SUGCT: variants seen among roughly 807,000 people sequenced by gnomAD.
SUGCT encodes the protein succinyl-CoA:glutarate-CoA transferase, also known as succinyl-CoA:glutarate CoA-transferase.
SUGCT carries 41 observed loss-of-function variants against 55.0 expected under a neutral mutation model. The observed-to-expected ratio is 0.74, with a 90% CI of 0.58 to 0.97. SUGCT has a LOEUF of 0.97. Among genes scored for constraint, SUGCT ranks in the 50% least tolerant of loss-of-function variants. The pLI is 0.00. For missense variants in SUGCT, 568 were observed against 547.8 expected, an observed-to-expected ratio of 1.04 and a Z score of -0.37; for synonymous variants, 187 against 200.4, an observed-to-expected ratio of 0.93 and a Z score of 0.56.
At chr7:40,830,357 C>A (rs538470938) in intron 13 of SUGCT, among the ~76,000 whole-genome samples, 1 of 152,262 alleles carries the variant, frequency 6.6e-6, no homozygotes, top group South Asian at 2.1e-4. Context: ...TTGGTCCTGC[C>A]CTCCCCTGTC....
intron 12 of SUGCT, among the ~76,000 whole-genome samples, chr7:40,558,126 G>A (rs1056267258): frequency 6.6e-5 from 10 of 151,314 alleles, no homozygotes; most frequent in Admixed American, 1.3e-4. Flanking sequence ...AAAATAAAAA[G>A]TTTTGATGTG....
In SUGCT at chr7:40,552,376, T is replaced by C. The variant is rs116682716; in HGVS notation, c.1089+55990T>C. 1.7e-3 allele frequency among the ~76,000 whole-genome samples: 257 copies of C among 152,266 alleles called. 1 individual carries two copies. The highest frequency in any genetic ancestry group is 6.0e-3 in the African/African-American group (251 of 41,540). On this transcript the variant is annotated intron_variant, in intron 12 of 13. Coordinates refer to ENST00000335693, the MANE Select transcript of SUGCT (RefSeq NM_001193313.2). ...GTTGCATGCTTTTTTCATAAGTTAC[T>C]CCATGGCTTACATCAGTTAATGGCT...
chr7:40,257,083 C>T (rs371571971), intron 7 of SUGCT, among the ~76,000 whole-genome samples: 5 of 151,904 alleles, frequency 3.3e-5, no homozygotes, highest in African/African-American at 4.8e-5. Context: ...CTCTCTCTGT[C>T]GTCCAGGCTG....
chr7:40,800,267 T>TG (rs1310565295), intron 13 of SUGCT, among the ~76,000 whole-genome samples: 1 of 149,446 alleles, frequency 6.7e-6, no homozygotes, highest in Non-Finnish European at 1.5e-5. Context: ...GGGGCAGGGT[T>TG]GGGGTGTCGT....
intron 12 of SUGCT, among the ~76,000 whole-genome samples, chr7:40,520,577 G>T (rs1793477716): frequency 1.3e-5 from 2 of 152,106 alleles, no homozygotes. Context: ...AACACAGGTT[G>T]TAGCACTCTG....
At chr7:40,608,799 A>G (rs1255123838) in intron 12 of SUGCT, among the ~76,000 whole-genome samples, 1 of 152,196 alleles carries the variant, frequency 6.6e-6, no homozygotes, top group African/African-American at 2.4e-5. Flanking sequence ...TGGTAAAAAG[A>G]AAAGAGGGAA....
At chr7:40,291,671 A>AT (rs1430045614) in intron 8 of SUGCT, among the ~76,000 whole-genome samples, 75 of 143,046 alleles carry the variant, frequency 5.2e-4, no homozygotes, top group Middle Eastern at 7.5e-3. Flanking sequence ...TAAAATAAAA[A>AT]AATATATATA....
At position 40,339,473 on chromosome 7, in the gene SUGCT, C is replaced by T. The variant is rs1310301947; in HGVS notation, c.816+22618C>T. On this transcript the variant is annotated intron_variant, in intron 9 of 13. Coordinates refer to ENST00000335693, the MANE Select transcript of SUGCT (RefSeq NM_001193313.2). ...GGCGCCCCTCTCCTAGCCTCACTGCCATCTTGCAGTTTGATCTCAGACCGC... is the reference window on the plus strand; with the variant it reads ...GGCGCCCCTCTCCTAGCCTCACTGCTATCTTGCAGTTTGATCTCAGACCGC... Among the ~76,000 whole-genome samples, 6 of 152,178 alleles carry T rather than the reference C, an allele frequency of 3.9e-5. No homozygotes were observed. In the East Asian group the frequency reaches 9.6e-4, roughly 24 times the overall value.
intron 9 of SUGCT, among the ~76,000 whole-genome samples, chr7:40,384,507 G>A (rs1785019062): frequency 6.6e-6 from 1 of 151,762 alleles, no homozygotes; most frequent in Admixed American, 6.6e-5. Context: ...TTGACAAGGT[G>A]GTCTTACTGC....
At chr7:40,558,521 C>A (rs974068492) in intron 12 of SUGCT, among the ~76,000 whole-genome samples, 4 of 152,160 alleles carry the variant, frequency 2.6e-5, no homozygotes, top group Non-Finnish European at 5.9e-5. Context: ...GGACAGATAT[C>A]ATTAGGATTC....
chr7:40,696,369 G>A (rs1401447789), intron 12 of SUGCT, among the ~76,000 whole-genome samples: 3 of 152,100 alleles, frequency 2.0e-5, no homozygotes, highest in Admixed American at 6.6e-5. Flanking sequence ...ATGGAGCTGT[G>A]CAGCCTGCAA....
chr7:40,500,327 G>A (rs891555748), intron 12 of SUGCT, among the ~76,000 whole-genome samples: 1 of 152,108 alleles, frequency 6.6e-6, no homozygotes, highest in African/African-American at 2.4e-5. Context: ...ACATCACCCT[G>A]AAGCATCACT....
At chr7:40,386,614 A>T (rs576197901) in intron 9 of SUGCT, among the ~76,000 whole-genome samples, 63 of 152,250 alleles carry the variant, frequency 4.1e-4, no homozygotes, top group African/African-American at 1.4e-3. Flanking sequence ...ATTCATTGTG[A>T]CAACTGAGAA....
At chr7:40,681,241 C>A (rs1414130623) in intron 12 of SUGCT, among the ~76,000 whole-genome samples, 1 of 152,054 alleles carries the variant, frequency 6.6e-6, no homozygotes, top group Admixed American at 6.6e-5. Flanking sequence ...AAACCAAAGC[C>A]TAATTAGAGG....
intron 6 of SUGCT, among the ~76,000 whole-genome samples, chr7:40,206,203 G>A (rs1392587678): frequency 3.3e-5 from 5 of 151,898 alleles, no homozygotes; most frequent in Non-Finnish European, 1.5e-5. Context: ...AATAGGCCTG[G>A]GAAATAAATC....
chr7:40,224,467 TTTAG>T (rs1242717762), intron 6 of SUGCT, among the ~76,000 whole-genome samples: 1 of 151,590 alleles, frequency 6.6e-6, no homozygotes, highest in Non-Finnish European at 1.5e-5. Flanking sequence ...TGATTGTGAG[TTTAG>T]TTAAGGTCAC....
At chr7:40,734,759 T>C (rs1245813053) in intron 12 of SUGCT, among the ~76,000 whole-genome samples, 2 of 152,314 alleles carry the variant, frequency 1.3e-5, no homozygotes, top group East Asian at 3.9e-4. Context: ...ATTTAAGTGA[T>C]GAGTTCTTGA....
intron 12 of SUGCT, among the ~76,000 whole-genome samples, chr7:40,736,919 T>TA (rs1326081857): frequency 1.3e-5 from 2 of 151,886 alleles, no homozygotes; most frequent in Non-Finnish European, 2.9e-5. Context: ...AAGCCTAAGA[T>TA]AAAAAAATGG....
intron 12 of SUGCT, among the ~76,000 whole-genome samples, chr7:40,622,213 A>C (rs942576767): frequency 6.6e-6 from 1 of 152,192 alleles, no homozygotes; most frequent in African/African-American, 2.4e-5. Flanking sequence ...GGTTTTTGGA[A>C]ATCAGTGTGC....
Sources: allele counts gnomAD v4.1 joint callset (sites outside exome capture counted in the v4.1 genomes callset), GRCh38; gene constraint gnomAD v4.1.1; transcripts MANE v1.5; gene names NCBI Gene and HGNC (gene_info 2026-07-23, HGNC 2026-07-21).